The following SLC25A48 variants were observed in gnomAD, a reference collection of about 807,000 sequenced individuals.
The protein encoded by SLC25A48 is CTC-321K16.1.
SLC25A48 carries 29 observed loss-of-function variants against 32.2 expected under a neutral mutation model. The ratio of observed to expected loss-of-function variants is 0.90; its 90% confidence interval spans 0.67 to 1.23. The LOEUF is 1.23. Ranked by LOEUF, SLC25A48 falls within the 50% of genes most tolerant of loss-of-function variation. SLC25A48 has a pLI of 0.00. For synonymous variants in SLC25A48, 164 were observed against 172.3 expected (o/e 0.95, Z 0.38); for missense variants, 399 against 422.7 (o/e 0.94, Z 0.49).
At chr5:135,616,882 T>A (rs1461477423) in intron 1 of SLC25A48, among the ~76,000 whole-genome samples, 3 of 152,218 alleles carry the variant, frequency 2.0e-5, no homozygotes, top group African/African-American at 7.2e-5. Context: ...TAAGAAGTTT[T>A]ATTTCTATGT....
chr5:135,846,749 C>G lies in SLC25A48; in HGVS notation c.91-3676C>G, dbSNP rs567964913. Among the ~76,000 whole-genome samples, 11 of 152,126 alleles carry G rather than the reference C, an allele frequency of 7.2e-5. No homozygotes were observed. The South Asian group carries it at 2.1e-3, about 29-fold the overall frequency. ...ACTGCATTCACACAATCCAGGGCTCCCATTCTCTATAAGGACCAAAGAAAG... is the reference window on the plus strand; with the variant it reads ...ACTGCATTCACACAATCCAGGGCTCGCATTCTCTATAAGGACCAAAGAAAG... On this transcript the variant is annotated intron_variant, in intron 2 of 7. Transcript: ENST00000681962.
intron 3 of SLC25A48, among the ~76,000 whole-genome samples, chr5:135,731,296 G>A (rs1755216056): frequency 1.3e-5 from 2 of 152,188 alleles, no homozygotes; most frequent in South Asian, 2.1e-4. Flanking sequence ...CACTTCTTTT[G>A]TGATTCTTCA....
intron 3 of SLC25A48, chr5:135,812,518 T>C (rs1272056848): frequency 1.3e-5 from 2 of 152,236 alleles, no homozygotes; most frequent in Non-Finnish European, 2.9e-5. Flanking sequence ...TTTTTCTCCT[T>C]TCAGCTATCA....
intron 3 of SLC25A48, among the ~76,000 whole-genome samples, chr5:135,644,964 AAG>A (rs201730852): frequency 0.012 from 1,838 of 152,192 alleles, 50 homozygotes; most frequent in African/African-American, 0.042. Flanking sequence ...GTTCAAATAC[AAG>A]AACTCTTGTA....
intron 6 of SLC25A48, chr5:135,875,871 C>T (rs1190262729): frequency 6.6e-6 from 1 of 152,190 alleles, no homozygotes; most frequent in Non-Finnish European, 1.5e-5. Flanking sequence ...TTAAGCAAGA[C>T]CCTAGTGGTG....
chr5:135,876,497 C>T lies in SLC25A48; in HGVS notation c.813+2343C>T, dbSNP rs770703923. 12 of 152,066 alleles carry T rather than the reference C, an allele frequency of 7.9e-5. No homozygotes were observed. The South Asian group carries it at 1.7e-3, about 21-fold the overall frequency. The allele number at this position is 152,066 out of a possible 1,614,324, so 9.4% of individuals were successfully genotyped here. ...CTTGAGTAACCACTGCATGATCAGA[C>T]GGTTCAAGGTTAATTGTTTAAAATT... On this transcript the variant is annotated intron_variant, in intron 6 of 7. Coordinates refer to ENST00000681962, the MANE Select transcript of SLC25A48 (RefSeq NM_001349336.2).
chr5:135,687,780 A>G (rs776675224), intron 3 of SLC25A48, among the ~76,000 whole-genome samples: 12 of 151,980 alleles, frequency 7.9e-5, no homozygotes, highest in African/African-American at 2.4e-4. Flanking sequence ...TCTCCTCTCC[A>G]TGTTTATTGC....
At chr5:135,623,323 G>A (rs1752367903) in intron 1 of SLC25A48, among the ~76,000 whole-genome samples, 1 of 152,144 alleles carries the variant, frequency 6.6e-6, no homozygotes, top group Non-Finnish European at 1.5e-5. Flanking sequence ...CAGGATCCTG[G>A]TTGCTCACTG....
At chr5:135,821,285 C>T (rs2126660228) in intron 4 of SLC25A48, among the ~76,000 whole-genome samples, 1 of 152,288 alleles carries the variant, frequency 6.6e-6, no homozygotes, top group Non-Finnish European at 1.5e-5. Flanking sequence ...CATCATCAGC[C>T]CTCCCATGAC....
chr5:135,652,309 G>T (rs1309123749), intron 3 of SLC25A48: 2 of 449,600 alleles, frequency 4.4e-6, no homozygotes, highest in African/African-American at 2.0e-5. Flanking sequence ...AGGAGGCAGA[G>T]ATTTGTCACC....
intron 3 of SLC25A48, among the ~76,000 whole-genome samples, chr5:135,691,544 A>T (rs748331): frequency 0.79 from 119,929 of 152,120 alleles, 47,719 homozygotes; most frequent in Middle Eastern, 0.88. Flanking sequence ...AGTCTGAGAC[A>T]CCATCCCCAC....
At chr5:135,580,660 T>C (rs1320680336) in intron 1 of SLC25A48, among the ~76,000 whole-genome samples, 1 of 152,198 alleles carries the variant, frequency 6.6e-6, no homozygotes, top group Non-Finnish European at 1.5e-5. Context: ...TTGGCATTTA[T>C]GTTAGTTTTT....
chr5:135,838,084 G>C (rs2126688051), intron 1 of SLC25A48, among the ~76,000 whole-genome samples: 1 of 152,348 alleles, frequency 6.6e-6, no homozygotes, highest in South Asian at 2.1e-4. Context: ...TCCTGGTTGT[G>C]ATGGTCTCAG....
At chr5:135,659,652 G>A (rs189837681) in intron 3 of SLC25A48, among the ~76,000 whole-genome samples, 220 of 152,242 alleles carry the variant, frequency 1.4e-3, no homozygotes, top group Non-Finnish European at 2.1e-3. Flanking sequence ...AACTACCTGA[G>A]ACTGGGTGAT....
intron 2 of SLC25A48, among the ~76,000 whole-genome samples, chr5:135,848,885 T>G (rs1759614783): frequency 6.6e-6 from 1 of 152,232 alleles, no homozygotes. Context: ...CTCAAACTCT[T>G]GGCCACGTTA....
intron 1 of SLC25A48, among the ~76,000 whole-genome samples, chr5:135,613,090 T>G (rs554050118): frequency 8.4e-4 from 128 of 152,336 alleles, no homozygotes; most frequent in South Asian, 7.7e-3. Context: ...CATCTGTTAT[T>G]TTTTGTCTTC....
chr5:135,606,833 C>T (rs1403497433), intron 1 of SLC25A48, among the ~76,000 whole-genome samples: 1 of 152,230 alleles, frequency 6.6e-6, no homozygotes, highest in Non-Finnish European at 1.5e-5. Context: ...CCCAGCGAAG[C>T]TGCTTTGAAC....
chr5:135,852,926 T>C, intron 4 of SLC25A48, 105 bp downstream of exon 4: 1 of 1,424,990 alleles, frequency 7.0e-7, no homozygotes, highest in East Asian at 2.5e-5. Flanking sequence ...GAGCAAGGCA[T>C]CTACCTTGTC....
chr5:135,645,153 A>G (rs1203774724), intron 3 of SLC25A48, among the ~76,000 whole-genome samples: 1 of 152,192 alleles, frequency 6.6e-6, no homozygotes, highest in Non-Finnish European at 1.5e-5. Flanking sequence ...TCCGAGAGTA[A>G]GGACTTGTGG....
Sources: gnomAD v4.1 joint callset for allele counts (sites outside exome capture counted in the v4.1 genomes callset) on GRCh38, gnomAD v4.1.1 for gene constraint, MANE v1.5 for transcripts, NCBI Gene and HGNC (gene_info 2026-07-23, HGNC 2026-07-21) for gene names.